The following ST3GAL3 variants were observed in gnomAD, a reference collection of about 807,000 sequenced individuals.
ST3GAL3 encodes ST3 beta-galactoside alpha-2,3-sialyltransferase 3.
ST3GAL3 carries 21 observed loss-of-function variants against 50.1 expected under a neutral mutation model. That is an observed-to-expected ratio of 0.42 (90% CI 0.30 to 0.60). ST3GAL3 has a LOEUF of 0.60. Among genes scored for constraint, ST3GAL3 ranks in the 20% least tolerant of loss-of-function variants. The pLI, the probability that ST3GAL3 is intolerant of heterozygous loss-of-function variation, is 0.19. For synonymous variants in ST3GAL3, 183 were observed against 190.0 expected, an observed-to-expected ratio of 0.96 and a Z score of 0.30; for missense variants, 353 against 489.4, an observed-to-expected ratio of 0.72 and a Z score of 2.63.
chr1:43,736,408 A>C, intron 2 of ST3GAL3, 28 bp downstream of exon 2: 1 of 1,614,174 alleles, frequency 6.2e-7, no homozygotes, highest in African/African-American at 1.3e-5. Flanking sequence ...AGCTCACCCC[A>C]GGAGAAGCCT....
At chr1:43,728,796 ATATT>A (rs376748913) in intron 1 of ST3GAL3, among the ~76,000 whole-genome samples, 42 of 152,212 alleles carry the variant, frequency 2.8e-4, no homozygotes, top group African/African-American at 9.6e-4. Context: ...TATCCTCACT[ATATT>A]TATTTTTATG....
At chr1:43,815,367 G>GA (rs2061106257) in intron 4 of ST3GAL3, among the ~76,000 whole-genome samples, 1 of 152,120 alleles carries the variant, frequency 6.6e-6, no homozygotes, top group Admixed American at 6.5e-5. Context: ...TGCCACAGAT[G>GA]AACACTCCTT....
Position 43,736,219 on chromosome 1 carries a change from T to G in ST3GAL3, c.-30-14T>G. On this transcript the variant is annotated splice_polypyrimidine_tract_variant and intron_variant, in intron 1 of 11. Transcript: ENST00000347631. ...GTGCTTTGTCTTTTAAGAACTAAACTTTTTCTTTTCTAGGTCATTTAGGAA... is the reference window on the plus strand; with the variant it reads ...GTGCTTTGTCTTTTAAGAACTAAACGTTTTCTTTTCTAGGTCATTTAGGAA... 1 of 1,612,730 alleles carries G rather than the reference T, an allele frequency of 6.2e-7. No homozygotes were observed. The highest frequency in any genetic ancestry group is 8.5e-7 in the Non-Finnish European group (1 of 1,178,716).
At chr1:43,762,124 A>T (rs1330391646) in intron 2 of ST3GAL3, among the ~76,000 whole-genome samples, 1 of 151,448 alleles carries the variant, frequency 6.6e-6, no homozygotes, top group African/African-American at 2.4e-5. Flanking sequence ...ATGAAAAATC[A>T]GTCGGATGTG....
chr1:43,800,572 C>T (rs544557739), intron 3 of ST3GAL3, among the ~76,000 whole-genome samples: 3 of 152,282 alleles, frequency 2.0e-5, no homozygotes, highest in South Asian at 2.1e-4. Context: ...GTGGGCATAA[C>T]GTAAAGGAAA....
chr1:43,894,084 C>A, intron 5 of ST3GAL3: 1 of 432,882 alleles, frequency 2.3e-6, no homozygotes, highest in Non-Finnish European at 4.3e-6. Context: ...CCTGCACAAC[C>A]TTCCAGAGAG....
intron 5 of ST3GAL3, among the ~76,000 whole-genome samples, chr1:43,875,610 T>C (rs776907109): frequency 6.6e-6 from 1 of 152,072 alleles, no homozygotes; most frequent in Non-Finnish European, 1.5e-5. Flanking sequence ...TATAAGCATC[T>C]GGCATTTCCC....
At chr1:43,783,742 AC>A (rs997650784) in intron 2 of ST3GAL3, among the ~76,000 whole-genome samples, 12 of 150,900 alleles carry the variant, frequency 8.0e-5, no homozygotes, top group Non-Finnish European at 1.0e-4. Context: ...CACTGCCCCC[AC>A]CCCCCGCAGT....
At chr1:43,784,189 T>G (rs1194881526) in intron 2 of ST3GAL3, among the ~76,000 whole-genome samples, 2 of 152,110 alleles carry the variant, frequency 1.3e-5, no homozygotes, top group Admixed American at 6.5e-5. Context: ...TCTTCCCAGT[T>G]TCTCCCAGCC....
chr1:43,918,675 T>C (rs894284815), intron 9 of ST3GAL3, among the ~76,000 whole-genome samples: 1 of 152,202 alleles, frequency 6.6e-6, no homozygotes, highest in African/African-American at 2.4e-5. Flanking sequence ...GAGGGTGTTA[T>C]GTTTACCTGA....
intron 2 of ST3GAL3, among the ~76,000 whole-genome samples, chr1:43,779,193 C>G (rs1469082002): frequency 6.6e-6 from 1 of 152,086 alleles, no homozygotes; most frequent in Non-Finnish European, 1.5e-5. Flanking sequence ...CCACCCGCCT[C>G]AGCCTCCCAA....
chr1:43,708,132 G>C (rs1662444956), intron 1 of ST3GAL3: 3 of 152,290 alleles, frequency 2.0e-5, no homozygotes. Flanking sequence ...CCAGAACTGG[G>C]GTCAGTTTGA....
At chr1:43,920,375 G>A (rs377624037) in intron 9 of ST3GAL3, 29 bp from the exon 10 acceptor site, 107 of 1,613,978 alleles carry the variant, frequency 6.6e-5, no homozygotes, top group Admixed American at 2.7e-4. Flanking sequence ...TGTGTGCCTC[G>A]TTGAGGCCCG....
At chr1:43,927,603 C>T (rs891221638) in intron 11 of ST3GAL3, among the ~76,000 whole-genome samples, 6 of 152,138 alleles carry the variant, frequency 3.9e-5, no homozygotes, top group Non-Finnish European at 5.9e-5. Flanking sequence ...CTGGCCTTGT[C>T]TTTCCTCCAA....
At chr1:43,928,880 G>C (rs1394117653) in intron 11 of ST3GAL3, among the ~76,000 whole-genome samples, 1 of 152,246 alleles carries the variant, frequency 6.6e-6, no homozygotes, top group Admixed American at 6.5e-5. Flanking sequence ...CTGCACACCA[G>C]CCTGGGCAAC....
intron 2 of ST3GAL3, among the ~76,000 whole-genome samples, chr1:43,758,785 G>T (rs1409789812): frequency 6.6e-6 from 1 of 152,030 alleles, no homozygotes; most frequent in Non-Finnish European, 1.5e-5. Context: ...CCAGCACTTT[G>T]GGAGGCTCAG....
chr1:43,740,372 C>G (rs1680350450), intron 2 of ST3GAL3, among the ~76,000 whole-genome samples: 1 of 151,620 alleles, frequency 6.6e-6, no homozygotes, highest in Non-Finnish European at 1.5e-5. Flanking sequence ...TCTCTTTGCT[C>G]TGATGCTTTA....
chr1:43,767,074 G>C (rs142192487), intron 2 of ST3GAL3, among the ~76,000 whole-genome samples: 62 of 152,284 alleles, frequency 4.1e-4, no homozygotes, highest in African/African-American at 1.3e-3. Context: ...ATTTTAGAAG[G>C]CTCACTTTGG....
Position 43,899,391 on chromosome 1 carries a change from G to T in ST3GAL3, c.557+128G>T. On this transcript the variant is annotated intron_variant, in intron 8 of 11. Coordinates refer to ENST00000347631, the MANE Select transcript of ST3GAL3 (RefSeq NM_006279.5). The surrounding 1 kb of genome is among the most constrained non-coding windows in gnomAD (Gnocchi z 5.4). ...CGGAAGCCTCAAGAACTCTGGGTTG[G>T]AGGGCTTTGGAACAGACAACTAGCG... 6.3e-7 allele frequency: 1 copy of T among 1,588,052 alleles called. No homozygotes were observed. The highest frequency in any genetic ancestry group is 1.1e-5 in the South Asian group (1 of 88,646).
Sources: gnomAD v4.1 joint callset for allele counts (sites outside exome capture counted in the v4.1 genomes callset) on GRCh38, gnomAD v4.1.1 for gene constraint, Gnocchi (gnomAD v3.1) non-coding constraint, MANE v1.5 for transcripts, NCBI Gene and HGNC (gene_info 2026-07-23, HGNC 2026-07-21) for gene names.